NCK2: variants seen among roughly 807,000 people sequenced by gnomAD.
The protein encoded by NCK2 is cytoplasmic protein NCK2.
In NCK2, 16 loss-of-function variants were observed where a neutral mutation model predicts 33.9. That is an observed-to-expected ratio of 0.47 (90% CI 0.32 to 0.72). NCK2 has a LOEUF of 0.72. Ranked by LOEUF, NCK2 falls within the 30% of genes least tolerant of loss-of-function variation. NCK2 has a pLI of 0.03. For synonymous variants in NCK2, 273 were observed against 239.9 expected (o/e 1.14, Z -1.27); for missense variants, 418 against 537.3 (o/e 0.78, Z 2.19).
rs200094183 is a variant in NCK2, at chr2:105,838,278, C to G, written c.-16-16770C>G. Among the ~76,000 whole-genome samples, 16 of 150,936 alleles carry G rather than the reference C, an allele frequency of 1.1e-4. No homozygotes were observed. The East Asian group carries it at 2.9e-3, about 28-fold the overall frequency. On this transcript the variant is annotated intron_variant, in intron 2 of 4. Transcript: ENST00000233154. ...ATTTTGGAGTTGATAAAGATAAATG[C>G]AAATTTTTAAATGCTGGAATTTTAT...
At chr2:105,771,998 T>C (rs974479729) in intron 1 of NCK2, among the ~76,000 whole-genome samples, 9 of 152,204 alleles carry the variant, frequency 5.9e-5, no homozygotes, top group African/African-American at 2.2e-4. Flanking sequence ...GTCGTCAAAG[T>C]GTCCAGGAAC....
intron 2 of NCK2, among the ~76,000 whole-genome samples, chr2:105,824,506 C>G (rs1675870085): frequency 6.6e-6 from 1 of 152,214 alleles, no homozygotes. Context: ...GAGTCTGGGT[C>G]TGGTACAGGC....
intron 4 of NCK2, among the ~76,000 whole-genome samples, chr2:105,883,485 GCAGTGTGGAGACATTGGTCCCAGT>G (rs1288694101): frequency 6.6e-6 from 1 of 152,168 alleles, no homozygotes; most frequent in Non-Finnish European, 1.5e-5. Context: ...AGGAAGTCCT[GCAGTGTGGAGACATTGGTCCCAGT>G]CATTATTCTT....
intron 1 of NCK2, among the ~76,000 whole-genome samples, chr2:105,751,234 G>A (rs766046874): frequency 6.6e-6 from 1 of 152,146 alleles, no homozygotes; most frequent in Non-Finnish European, 1.5e-5. Context: ...GACTCACTCG[G>A]TTATCCTTGA....
At chr2:105,744,658 C>T (rs982333247), upstream of NCK2, among the ~76,000 whole-genome samples, 3 of 151,900 alleles carry the variant, frequency 2.0e-5, no homozygotes, top group Non-Finnish European at 2.9e-5. Flanking sequence ...CGGAGCGTCC[C>T]GCAGCCCCGC....
intron 2 of NCK2, among the ~76,000 whole-genome samples, chr2:105,823,140 G>A (rs1573158389): frequency 8.1e-5 from 2 of 24,822 alleles, no homozygotes; most frequent in South Asian, 1.9e-3. Flanking sequence ...TGCTGTGTGT[G>A]TGTGTGTGTG....
chr2:105,868,200 G>T (rs142827715), intron 3 of NCK2, among the ~76,000 whole-genome samples: 1 of 152,240 alleles, frequency 6.6e-6, no homozygotes, highest in Non-Finnish European at 1.5e-5. Flanking sequence ...ACATCAGCCT[G>T]CATTGACTCA....
At chr2:105,797,283 C>G (rs1691114040) in intron 1 of NCK2, among the ~76,000 whole-genome samples, 1 of 152,108 alleles carries the variant, frequency 6.6e-6, no homozygotes, top group South Asian at 2.1e-4. Flanking sequence ...GATTCTGAAG[C>G]CTTGGCTGAT....
chr2:105,772,204 T>C (rs1690156704), intron 1 of NCK2, among the ~76,000 whole-genome samples: 1 of 152,070 alleles, frequency 6.6e-6, no homozygotes, highest in East Asian at 1.9e-4. Flanking sequence ...GAACTCTTGA[T>C]CTCTTTGGCC....
At chr2:105,815,056 C>G (rs1675432561) in intron 1 of NCK2, among the ~76,000 whole-genome samples, 1 of 152,200 alleles carries the variant, frequency 6.6e-6, no homozygotes, top group South Asian at 2.1e-4. Context: ...TGGTCAAGAA[C>G]TGAGTTCAGA....
intron 3 of NCK2, among the ~76,000 whole-genome samples, chr2:105,872,114 T>C (rs142419945): frequency 1.3e-5 from 2 of 152,344 alleles, no homozygotes; most frequent in East Asian, 3.9e-4. Context: ...AGCAGGACAC[T>C]TAGAAGAGAA....
At chr2:105,884,746 G>A (rs1015572718) in intron 4 of NCK2, among the ~76,000 whole-genome samples, 1 of 152,092 alleles carries the variant, frequency 6.6e-6, no homozygotes, top group African/African-American at 2.4e-5. Context: ...CGAACCTCTT[G>A]GACCCTCTTT....
chr2:105,771,439 G>A (rs997509197), intron 1 of NCK2, among the ~76,000 whole-genome samples: 4 of 151,868 alleles, frequency 2.6e-5, no homozygotes, highest in African/African-American at 9.7e-5. Flanking sequence ...TGGTGAGGGC[G>A]CCTGTAATCC....
At chr2:105,786,034 A>G (rs1457448049) in intron 1 of NCK2, among the ~76,000 whole-genome samples, 2 of 151,932 alleles carry the variant, frequency 1.3e-5, no homozygotes, top group Non-Finnish European at 2.9e-5. Context: ...CAATTTTCTC[A>G]TTTACCTTCT....
intron 1 of NCK2, among the ~76,000 whole-genome samples, chr2:105,795,127 C>T (rs1304621843): frequency 6.6e-6 from 1 of 152,222 alleles, no homozygotes; most frequent in Non-Finnish European, 1.5e-5. Context: ...CAGGGTGCTG[C>T]ATTTGTTTCT....
At chr2:105,863,513 A>G (rs1312260667) in intron 3 of NCK2, among the ~76,000 whole-genome samples, 1 of 152,156 alleles carries the variant, frequency 6.6e-6, no homozygotes, top group African/African-American at 2.4e-5. Flanking sequence ...TCCGATCAGA[A>G]GGGGGAGCCT....
chr2:105,888,940 G>A (rs1436116140), intron 4 of NCK2, among the ~76,000 whole-genome samples: 2 of 152,162 alleles, frequency 1.3e-5, no homozygotes, highest in African/African-American at 4.8e-5. Flanking sequence ...TCTTTGACAA[G>A]CTTAAATGTA....
chr2:105,850,219 G>A lies in NCK2; in HGVS notation c.-16-4829G>A, dbSNP rs1333286643. Reference sequence around the variant, plus strand: ...CACCTTGATCCCCGTGACCTCTTTGGAAATCTCTATGACCATTTTTTAATG... The same window carrying A: ...CACCTTGATCCCCGTGACCTCTTTGAAAATCTCTATGACCATTTTTTAATG... On this transcript the variant is annotated intron_variant, in intron 2 of 4. Transcript: ENST00000233154. Among the ~76,000 whole-genome samples, 4 of 152,124 alleles carry A rather than the reference G, an allele frequency of 2.6e-5. No individual in the cohort carries two copies. In the East Asian group the frequency reaches 7.7e-4, roughly 29 times the overall value.
intron 1 of NCK2, among the ~76,000 whole-genome samples, chr2:105,804,138 T>C (rs1674945147): frequency 6.6e-6 from 1 of 152,194 alleles, no homozygotes; most frequent in Admixed American, 6.5e-5. Context: ...AAGGGTGTAC[T>C]CTGTAAGGGG....
Sources: gnomAD v4.1 joint callset for allele counts (sites outside exome capture counted in the v4.1 genomes callset) on GRCh38, gnomAD v4.1.1 for gene constraint, MANE v1.5 for transcripts, NCBI Gene and HGNC (gene_info 2026-07-23, HGNC 2026-07-21) for gene names.